ZPBP: variants seen among roughly 807,000 people sequenced by gnomAD.
The protein encoded by ZPBP is zona pellucida binding protein, also known as zona pellucida-binding protein 1.
A neutral mutation model predicts 44.8 loss-of-function variants in ZPBP; 26 were observed. That is an observed-to-expected ratio of 0.58 (90% confidence interval 0.43 to 0.81). The LOEUF (loss-of-function observed/expected upper bound fraction) is 0.81, where lower values mean the gene tolerates loss of function less well. ZPBP is among the 30% of genes least tolerant of loss of function. The pLI is 0.00. For missense variants in ZPBP, 409 were observed against 434.0 expected, an observed-to-expected ratio of 0.94 and a Z score of 0.51; for synonymous variants, 174 against 153.2, an observed-to-expected ratio of 1.14 and a Z score of -1.00.
At chr7:49,886,883 C>A (rs761210852) in intron 2 of ZPBP, among the ~76,000 whole-genome samples, 56 of 152,156 alleles carry the variant, frequency 3.7e-4, no homozygotes, top group Admixed American at 3.3e-4. Context: ...ATTGTTGGAC[C>A]TCGTAAGACT....
intron 6 of ZPBP, among the ~76,000 whole-genome samples, chr7:49,997,160 G>A (rs1032861149): frequency 5.3e-5 from 8 of 152,166 alleles, no homozygotes; most frequent in Non-Finnish European, 8.8e-5. Context: ...ATTGACTTCA[G>A]CATTCCAATC....
chr7:50,076,254 T>C (rs1357387760), intron 3 of ZPBP, among the ~76,000 whole-genome samples: 1 of 151,854 alleles, frequency 6.6e-6, no homozygotes, highest in Non-Finnish European at 1.5e-5. Flanking sequence ...AAACTGAGTA[T>C]AGAAGGAACA....
intron 6 of ZPBP, among the ~76,000 whole-genome samples, chr7:50,014,942 AC>A (rs1798755196): frequency 1.3e-5 from 2 of 152,196 alleles, no homozygotes; most frequent in South Asian, 4.1e-4. Flanking sequence ...ATGAAAAGGT[AC>A]TAAAGTTGAA....
At chr7:49,929,698 C>T (rs1794383286) in intron 1 of ZPBP, among the ~76,000 whole-genome samples, 1 of 152,206 alleles carries the variant, frequency 6.6e-6, no homozygotes, top group Non-Finnish European at 1.5e-5. Flanking sequence ...ACTGTCTAGA[C>T]CATATGAGCC....
At chr7:49,841,112 A>G in the ZPBP span, among the ~76,000 whole-genome samples, 1 of 152,222 alleles carries the variant, frequency 6.6e-6, no homozygotes. Flanking sequence ...TATGAGACAT[A>G]ATGCATACAA....
chr7:50,046,517 T>C (rs1185830411), intron 4 of ZPBP, among the ~76,000 whole-genome samples: 1 of 151,712 alleles, frequency 6.6e-6, no homozygotes, highest in Non-Finnish European at 1.5e-5. Context: ...AAGAAGACAT[T>C]TATGTGGACA....
intron 3 of ZPBP, among the ~76,000 whole-genome samples, chr7:50,077,112 C>A (rs1418558639): frequency 1.3e-5 from 2 of 151,728 alleles, no homozygotes; most frequent in Middle Eastern, 6.8e-3. Flanking sequence ...ACGGTGAATT[C>A]ATTTTTGACA....
chr7:50,049,559 C>A (rs577547124), intron 4 of ZPBP, among the ~76,000 whole-genome samples: 1 of 151,506 alleles, frequency 6.6e-6, no homozygotes, highest in African/African-American at 2.4e-5. Flanking sequence ...AAATAAAAAA[C>A]ACATTTATAT....
intron 2 of ZPBP, among the ~76,000 whole-genome samples, chr7:50,088,671 T>C (rs534259237): frequency 4.3e-4 from 66 of 152,038 alleles, no homozygotes; most frequent in African/African-American, 1.4e-3. Flanking sequence ...TACAACATCA[T>C]TAGTCATTAG....
chr7:49,998,328 A>G (rs1481271236), intron 6 of ZPBP, among the ~76,000 whole-genome samples: 1 of 152,204 alleles, frequency 6.6e-6, no homozygotes, highest in Non-Finnish European at 1.5e-5. Context: ...CCCTGCAGCT[A>G]TAGGAGATAA....
Position 49,858,930 on chromosome 7 carries a change from A to G in ZPBP, n.510-8416T>C, listed in dbSNP as rs573122904. On this transcript the variant is annotated intron_variant and non_coding_transcript_variant, in intron 2 of 2. Coordinates refer to the ZPBP transcript ENST00000465922. ...ATCCACATTGACAAAGGTTGAAGGTATATTTATTTCATGGCCCCACAGAGT... is the reference window on the plus strand; with the variant it reads ...ATCCACATTGACAAAGGTTGAAGGTGTATTTATTTCATGGCCCCACAGAGT... Among the ~76,000 whole-genome samples the G allele has an allele frequency of 3.9e-5, 6 of 152,330 alleles. No individual in the cohort carries two copies. The East Asian group carries it at 1.2e-3, about 29-fold the overall frequency.
intron 7 of ZPBP, among the ~76,000 whole-genome samples, chr7:49,948,952 T>C (rs2128757291): frequency 6.6e-6 from 1 of 152,232 alleles, no homozygotes; most frequent in Middle Eastern, 3.4e-3. Context: ...TCCAAATTGA[T>C]ATATTAAAGC....
intron 4 of ZPBP, among the ~76,000 whole-genome samples, chr7:50,033,029 G>A (rs554068013): frequency 6.6e-5 from 10 of 151,854 alleles, no homozygotes; most frequent in African/African-American, 2.4e-4. Flanking sequence ...ACTGATGTAG[G>A]ACTAAAATTA....
chr7:49,993,434 T>C (rs1293800495), intron 6 of ZPBP, among the ~76,000 whole-genome samples: 1 of 152,116 alleles, frequency 6.6e-6, no homozygotes, highest in Non-Finnish European at 1.5e-5. Context: ...ATAACTAAAT[T>C]AAACACAATT....
At position 49,871,253 on chromosome 7, in the gene ZPBP, G is replaced by A. The variant is rs146990412; in HGVS notation, n.510-20739C>T. Among the ~76,000 whole-genome samples, 390 of 152,248 alleles carry A rather than the reference G, an allele frequency of 2.6e-3. 1 individual carries two copies. Among genetic ancestry groups the A allele is most frequent in the Middle Eastern group, 0.017 (5 of 294 alleles). ...TACAGCCTTCCATGTAAAAAATTGG[G>A]CATTTTTGCCTAAAACTGAAATTTC... On this transcript the variant is annotated intron_variant and non_coding_transcript_variant, in intron 2 of 2. Coordinates refer to the ZPBP transcript ENST00000465922.
intron 2 of ZPBP, among the ~76,000 whole-genome samples, chr7:49,889,249 G>A (rs1399632923): frequency 1.3e-5 from 2 of 152,138 alleles, no homozygotes; most frequent in Non-Finnish European, 1.5e-5. Context: ...GGCATTTCCT[G>A]GTGTTGCCAT....
At chr7:49,960,968 T>C (rs1307801471) in intron 7 of ZPBP, among the ~76,000 whole-genome samples, 2 of 152,182 alleles carry the variant, frequency 1.3e-5, no homozygotes, top group Non-Finnish European at 2.9e-5. Flanking sequence ...AACACAAAAT[T>C]ATACAGCCAC....
chr7:50,069,868 C>T (rs1801746999), intron 3 of ZPBP, among the ~76,000 whole-genome samples: 1 of 152,100 alleles, frequency 6.6e-6, no homozygotes, highest in Non-Finnish European at 1.5e-5. Flanking sequence ...CAGCCTTATG[C>T]AACGTCCTCA....
chr7:49,981,603 A>ATTATATT (rs1796952425), intron 7 of ZPBP, among the ~76,000 whole-genome samples: 1 of 23,314 alleles, frequency 4.3e-5, no homozygotes. Context: ...AATTATATAA[A>ATTATATT]TTATATAATT....
Sources: gnomAD v4.1 joint callset for allele counts (sites outside exome capture counted in the v4.1 genomes callset) on GRCh38, gnomAD v4.1.1 for gene constraint, MANE v1.5 for transcripts, NCBI Gene and HGNC (gene_info 2026-07-23, HGNC 2026-07-21) for gene names.